Variants in CNTN2 observed in about 807,000 individuals in gnomAD.
The protein encoded by CNTN2 is contactin-2.
In CNTN2, 53 loss-of-function variants were observed where a neutral mutation model predicts 117.5. The ratio of observed to expected loss-of-function variants is 0.45; its 90% CI spans 0.36 to 0.57. The LOEUF is 0.57. CNTN2 is among the 20% of genes least tolerant of loss of function. The pLI, the probability that CNTN2 is intolerant of heterozygous loss-of-function variation, is 0.00. For missense variants in CNTN2, 1,106 were observed against 1,404.3 expected, an observed-to-expected ratio of 0.79 and a Z score of 3.39; for synonymous variants, 530 against 561.7, an observed-to-expected ratio of 0.94 and a Z score of 0.80.
At chr1:205,046,792 C>T (rs3767281) in intron 1 of CNTN2, among the ~76,000 whole-genome samples, 76,526 of 152,062 alleles carry the variant, frequency 0.5, 20,385 homozygotes, top group African/African-American at 0.63. Context: ...AAAGCCCTCA[C>T]TCACTGCCTC....
chr1:205,069,214 G>A (rs561698701), intron 16 of CNTN2: 2 of 449,548 alleles, frequency 4.4e-6, no homozygotes, highest in South Asian at 7.0e-5. Flanking sequence ...TATGGCCTCT[G>A]AGAGAAACAT....
intron 2 of CNTN2, among the ~76,000 whole-genome samples, chr1:205,055,592 G>A (rs1345177998): frequency 6.6e-6 from 1 of 152,200 alleles, no homozygotes; most frequent in African/African-American, 2.4e-5. Context: ...CACTCCAAGA[G>A]ATTCTGACTC....
chr1:205,063,638 A>AAG (rs1654102656), intron 10 of CNTN2: 1 of 150,122 alleles, frequency 6.7e-6, no homozygotes, highest in South Asian at 2.1e-4. Flanking sequence ...TTAAAAAAAA[A>AAG]AAAAGAAGAA....
Position 205,058,989 on chromosome 1 carries a change from G to A in CNTN2, c.488-95G>A. The A allele has an allele frequency of 9.1e-7, 1 of 1,102,178 alleles. No homozygotes were observed. Among genetic ancestry groups the A allele is most frequent in the Non-Finnish European group, 1.4e-6 (1 of 740,368 alleles). 68.3% of individuals were successfully genotyped at this position (1,102,178 alleles called of 1,614,324 possible). A position where few individuals can be genotyped will look rare whatever the true frequency, so the allele number is the denominator to read the frequency against. ...TCAGAGCATGGTGGCTGTCAGGACA[G>A]GGCTTGCAGAACCGCACCAGCATGC... is the stretch of plus-strand genomic sequence containing the variant. On this transcript the variant is annotated intron_variant, in intron 5 of 22. Transcript: ENST00000331830. The surrounding 1 kb of genome is among the most constrained non-coding windows in gnomAD (Gnocchi z 4.3).
intron 1 of CNTN2, among the ~76,000 whole-genome samples, chr1:205,047,250 C>A (rs2096443168): frequency 6.6e-6 from 1 of 152,122 alleles, no homozygotes; most frequent in Admixed American, 6.5e-5. Context: ...CTCAGGGTAC[C>A]ACAGAGACCC....
At chr1:205,064,568 A>T (rs1654173701) in intron 11 of CNTN2, 55 bp from the exon 12 acceptor site, 1 of 1,603,250 alleles carries the variant, frequency 6.2e-7, no homozygotes, top group Admixed American at 1.7e-5. Flanking sequence ...GGAGTTGGCC[A>T]GCCCCAGGGA....
Position 205,071,990 on chromosome 1 carries a change from G to A in CNTN2, c.2588G>A (p.Arg863Gln), listed in dbSNP as rs780713798. The A allele has an allele frequency of 1.9e-5, 31 of 1,613,852 alleles. No individual in the cohort carries two copies. The East Asian group carries it at 2.9e-4, about 15-fold the overall frequency. The change falls in exon 20 of 23, where the codon CGA becomes CAA. Residue 863 changes from arginine to glutamine, a missense_variant. Transcript: ENST00000331830. ...GGGGACAAAGAAGCAGCTGCGGACCGAGTGAGGACAGCAGGGCTGGACACC... is the reference window on the plus strand; with the variant it reads ...GGGGACAAAGAAGCAGCTGCGGACCAAGTGAGGACAGCAGGGCTGGACACC... ...KAGDKEAAAD[R>Q]VRTAGLDTSA...
chr1:205,073,432 G>A lies in CNTN2; in HGVS notation c.3013+196G>A. 1.3e-6 allele frequency: 1 copy of A among 794,946 alleles called. No individual in the cohort carries two copies. 49.2% of individuals were successfully genotyped at this position (794,946 alleles called of 1,614,324 possible). A position where few individuals can be genotyped will look rare whatever the true frequency, so the allele number is the denominator to read the frequency against. ...TACCCAGCCCCCAGAACATCCCCGAGGGCCAGGGAAGGGCGCAGGGTGCAG... is the reference window on the plus strand; with the variant it reads ...TACCCAGCCCCCAGAACATCCCCGAAGGCCAGGGAAGGGCGCAGGGTGCAG... On this transcript the variant is annotated intron_variant, in intron 22 of 22. Transcript: ENST00000331830. The surrounding 1 kb of genome is among the most constrained non-coding windows in gnomAD (Gnocchi z 6.3).
chr1:205,045,713 G>A (rs1047799517), intron 1 of CNTN2, among the ~76,000 whole-genome samples: 2 of 152,174 alleles, frequency 1.3e-5, no homozygotes, highest in Admixed American at 1.3e-4. Context: ...ATGCAGGGGA[G>A]GAAGAACCAG....
In CNTN2 at chr1:205,061,502, A is replaced by C; in HGVS notation, c.973+82A>C. On this transcript the variant is annotated intron_variant, in intron 8 of 22. Transcript: ENST00000331830. The surrounding 1 kb of genome is among the most constrained non-coding windows in gnomAD (Gnocchi z 4.8). ...CTTGTCCCCAAGGAAACAGACCCAA[A>C]AGTCAGGGAGGAGACTGGGAGGCCC... 9 of 1,427,986 alleles carry C rather than the reference A, an allele frequency of 6.3e-6. No individual in the cohort carries two copies. Among genetic ancestry groups the C allele is most frequent in the Non-Finnish European group, 7.5e-6 (8 of 1,071,072 alleles). 88.5% of individuals were successfully genotyped at this position (1,427,986 alleles called of 1,614,324 possible).
Position 205,076,641 on chromosome 1 carries a change from T to A in CNTN2, c.*2876T>A, listed in dbSNP as rs1260975479. On this transcript the variant is annotated 3_prime_UTR_variant, in exon 23 of 23. Coordinates refer to ENST00000331830, the MANE Select transcript of CNTN2 (RefSeq NM_005076.5). The stretch of plus-strand genomic sequence containing the variant: ...GGGGACTAGGAAAAGGAACCAACTG[T>A]AGGCACCTCTCCAGGGCCTAGGGAG... The A allele has an allele frequency of 6.6e-6, 1 of 152,182 alleles. No homozygotes were observed. Among genetic ancestry groups the A allele is most frequent in the African/African-American group, 2.4e-5 (1 of 41,422 alleles). The allele number at this position is 152,182 out of a possible 1,614,324, so 9.4% of individuals were successfully genotyped here. A position where few individuals can be genotyped will look rare whatever the true frequency, so the allele number is the denominator to read the frequency against.
At chr1:205,069,713 G>A (rs1429973097) in intron 17 of CNTN2, 114 bp from the exon 18 acceptor site, 4 of 1,420,610 alleles carry the variant, frequency 2.8e-6, no homozygotes, top group Non-Finnish European at 3.9e-6. Context: ...GCGAATCCAC[G>A]CTGCAGGCGT....
intron 2 of CNTN2, among the ~76,000 whole-genome samples, chr1:205,054,136 C>A (rs562709519): frequency 6.0e-4 from 92 of 152,316 alleles, no homozygotes; most frequent in African/African-American, 2.1e-3. Flanking sequence ...GACCCTCAGC[C>A]CAGATCAATA....
chr1:205,064,126 A>AGGGGGGGTGGGGGGGGGGGGGG (rs11329962), intron 10 of CNTN2, among the ~76,000 whole-genome samples, 196 bp from the exon 11 acceptor site: 1 of 94,370 alleles, frequency 1.1e-5, no homozygotes, highest in African/African-American at 3.5e-5. Context: ...TGAGGGGCGG[A>AGGGGGGGTGGGGGGGGGGGGGG]GGGGGGGCGC....
intron 11 of CNTN2, 51 bp from the exon 12 acceptor site, chr1:205,064,572 C>T: frequency 6.2e-7 from 1 of 1,605,828 alleles, no homozygotes; most frequent in Non-Finnish European, 8.5e-7. Flanking sequence ...TTGGCCAGCC[C>T]CAGGGACAAC....
In CNTN2 at chr1:205,070,555, G is replaced by T; in HGVS notation, c.2544+17G>T. 6.3e-7 allele frequency: 1 copy of T among 1,582,832 alleles called. No homozygotes were observed. Among genetic ancestry groups the T allele is most frequent in the South Asian group, 1.1e-5 (1 of 89,680 alleles). On this transcript the variant is annotated intron_variant, in intron 19 of 22. Transcript: ENST00000331830. ...GGGTATGAGGTGAGCACCAACCTGG[G>T]ACTTGGGAGAGGAAGGGGTGCTGGG...
At position 205,048,046 on chromosome 1, in the gene CNTN2, A is replaced by G. The variant is rs79793506; in HGVS notation, c.-87+4652A>G. 9.9e-3 allele frequency among the ~76,000 whole-genome samples: 1,512 copies of G among 152,292 alleles called. 22 individuals carry two copies. Among genetic ancestry groups the G allele is most frequent in the African/African-American group, 0.035 (1,447 of 41,556 alleles). ...ACCAGTGTGCTGTTTTATAGGATAG[A>G]GGTCAAGCGGGGGCCTGAAGGGCTC... is the stretch of plus-strand genomic sequence containing the variant. On this transcript the variant is annotated intron_variant, in intron 1 of 22. Coordinates refer to ENST00000331830, the MANE Select transcript of CNTN2 (RefSeq NM_005076.5). This position sits in a 1 kb window ranked among gnomAD's most constrained non-coding sequence, Gnocchi z 4.1.
At chr1:205,068,002 C>CTGTG (rs1412686121) in intron 16 of CNTN2, 2 of 147,808 alleles carry the variant, frequency 1.4e-5, no homozygotes, top group African/African-American at 5.0e-5. Context: ...TGTGTGTGTT[C>CTGTG]TGTGCAGGGG....
chr1:205,059,014 C>A lies in CNTN2; in HGVS notation c.488-70C>A. 7.1e-7 allele frequency: 1 copy of A among 1,408,202 alleles called. No homozygotes were observed. The highest frequency in any genetic ancestry group is 1.0e-6 in the Non-Finnish European group (1 of 1,004,854). 87.2% of individuals were successfully genotyped at this position (1,408,202 alleles called of 1,614,324 possible). A position where few individuals can be genotyped will look rare whatever the true frequency, so the allele number is the denominator to read the frequency against. On this transcript the variant is annotated intron_variant, in intron 5 of 22. Transcript: ENST00000331830. This position sits in a 1 kb window ranked among gnomAD's most constrained non-coding sequence, Gnocchi z 5.6. ...GGGCTTGCAGAACCGCACCAGCATG[C>A]TGGGGTCCCACCCAGAGTGGCCCTG...
Sources: gnomAD v4.1 joint callset for allele counts (sites outside exome capture counted in the v4.1 genomes callset) on GRCh38, gnomAD v4.1.1 for gene constraint, Gnocchi (gnomAD v3.1) non-coding constraint, MANE v1.5 for transcripts, NCBI Gene and HGNC (gene_info 2026-07-23, HGNC 2026-07-21) for gene names.